AVEN: variants seen among roughly 807,000 people sequenced by gnomAD.
AVEN encodes apoptosis and caspase activation inhibitor.
A neutral mutation model predicts 38.1 loss-of-function variants in AVEN; 41 were observed. The ratio of observed to expected loss-of-function variants is 1.08; its 90% CI spans 0.84 to 1.40. AVEN has a LOEUF of 1.40. AVEN is among the 40% of genes most tolerant of loss of function. AVEN has a pLI of 0.00. For missense variants in AVEN, 605 were observed against 438.8 expected (o/e 1.38, Z -3.38); for synonymous variants, 206 against 171.8 (o/e 1.20, Z -1.56).
chr15:34,002,529 ACTT>A (rs144378883), intron 2 of AVEN, among the ~76,000 whole-genome samples: 76,569 of 151,742 alleles, frequency 0.5, 21,706 homozygotes, highest in Non-Finnish European at 0.63. Context: ...TGGGTTTTTC[ACTT>A]TATTGACAGA....
intron 2 of AVEN, among the ~76,000 whole-genome samples, chr15:33,987,143 C>A (rs1216928032): frequency 6.6e-6 from 1 of 152,120 alleles, no homozygotes; most frequent in East Asian, 1.9e-4. Context: ...AATTCTGAGA[C>A]CAGTGCAGTA....
intron 1 of AVEN, among the ~76,000 whole-genome samples, chr15:34,011,702 C>A (rs144405713): frequency 6.6e-6 from 1 of 152,164 alleles, no homozygotes; most frequent in Admixed American, 6.5e-5. Flanking sequence ...ATCTCACAGG[C>A]CTCTCATTCC....
intron 2 of AVEN, among the ~76,000 whole-genome samples, chr15:33,955,916 A>G (rs1037023570): frequency 6.6e-6 from 1 of 152,236 alleles, no homozygotes; most frequent in East Asian, 1.9e-4. Flanking sequence ...ATCTTCATAT[A>G]TATTCTCCAA....
At chr15:34,027,938 T>A (rs1159866450) in intron 1 of AVEN, among the ~76,000 whole-genome samples, 13 of 151,958 alleles carry the variant, frequency 8.6e-5, no homozygotes. Context: ...GATATACACA[T>A]GTCCAAGGCT....
intron 2 of AVEN, among the ~76,000 whole-genome samples, chr15:33,937,544 AT>A (rs1894136304): frequency 6.8e-6 from 1 of 146,440 alleles, no homozygotes; most frequent in South Asian, 2.2e-4. Flanking sequence ...AAAAAAAAAA[AT>A]AAATCCTTCT....
At chr15:33,952,849 G>A (rs1894803993) in intron 2 of AVEN, among the ~76,000 whole-genome samples, 1 of 148,442 alleles carries the variant, frequency 6.7e-6, no homozygotes, top group East Asian at 1.9e-4. Context: ...GTCCATAAGA[G>A]GCTAAAGAGA....
At chr15:33,949,157 G>A (rs1370791884) in intron 2 of AVEN, among the ~76,000 whole-genome samples, 1 of 152,074 alleles carries the variant, frequency 6.6e-6, no homozygotes. Context: ...CCGAGTAGCT[G>A]GGACTACAGG....
intron 2 of AVEN, among the ~76,000 whole-genome samples, chr15:33,973,312 T>A (rs920564096): frequency 6.6e-6 from 1 of 152,188 alleles, no homozygotes; most frequent in African/African-American, 2.4e-5. Flanking sequence ...TTATAGAATT[T>A]TTTGGTACAG....
chr15:34,050,546 C>A (rs2140825455), intron 5 of AVEN, among the ~76,000 whole-genome samples: 1 of 152,234 alleles, frequency 6.6e-6, no homozygotes, highest in Middle Eastern at 3.4e-3. Context: ...AATTAAAAGA[C>A]ACAGAATGAC....
At chr15:33,871,836 C>T (rs1009056942) in intron 3 of AVEN, among the ~76,000 whole-genome samples, 1 of 150,650 alleles carries the variant, frequency 6.6e-6, no homozygotes, top group Non-Finnish European at 1.5e-5. Context: ...CAGTTTGCCC[C>T]ATAAAGGGCT....
chr15:33,854,850 A>G, downstream of AVEN: 2 of 1,613,916 alleles, frequency 1.2e-6, no homozygotes, highest in South Asian at 1.1e-5. Flanking sequence ...CCTATTGGAC[A>G]TCGCAATGGG....
chr15:34,013,880 C>T (rs766804657), intron 1 of AVEN, among the ~76,000 whole-genome samples: 16 of 152,100 alleles, frequency 1.1e-4, no homozygotes, highest in Non-Finnish European at 1.8e-4. Flanking sequence ...TGTAGACTCA[C>T]GGCCTGAGAT....
intron 2 of AVEN, among the ~76,000 whole-genome samples, chr15:33,992,280 C>G (rs867192788): frequency 7.6e-4 from 116 of 152,266 alleles, no homozygotes; most frequent in African/African-American, 2.7e-3. Context: ...GTCCCAGCTA[C>G]TCGGGAGGCT....
chr15:33,919,085 C>A (rs1893287849), intron 2 of AVEN, among the ~76,000 whole-genome samples: 2 of 151,896 alleles, frequency 1.3e-5, no homozygotes, highest in African/African-American at 4.8e-5. Context: ...TCACGCCCGG[C>A]TAATTTTTTG....
rs15510 is a variant in AVEN, at chr15:33,866,606, C to T, written c.*7G>A. The T allele has an allele frequency of 2.5e-6, 4 of 1,608,874 alleles. No homozygotes were observed. The highest frequency in any genetic ancestry group is 2.5e-6 in the Non-Finnish European group (3 of 1,176,674). The stretch of plus-strand genomic sequence containing the variant: ...AAGATTTGCTTCAGGCACTTTTTTT[C>T]CCCTTTTTAGGAAATCATGCTGTCC... On this transcript the variant is annotated 3_prime_UTR_variant, in exon 6 of 6. Transcript: ENST00000306730.
At chr15:34,071,603 G>A (rs78410922) in intron 1 of AVEN, among the ~76,000 whole-genome samples, 3,284 of 152,180 alleles carry the variant, frequency 0.022, 40 homozygotes, top group Non-Finnish European at 0.033. Context: ...AGTTCCATGT[G>A]TATCCAAAGA....
At chr15:33,863,464 ACTT>A (rs1239406214), downstream of AVEN, among the ~76,000 whole-genome samples, 4 of 152,162 alleles carry the variant, frequency 2.6e-5, no homozygotes, top group East Asian at 7.7e-4. Context: ...CATATCACCA[ACTT>A]CACAATCCTT....
chr15:33,855,409 G>C (rs902800267), downstream of AVEN, among the ~76,000 whole-genome samples: 3 of 152,180 alleles, frequency 2.0e-5, no homozygotes, highest in Non-Finnish European at 2.9e-5. Context: ...TCACCATGTT[G>C]GCCAGGCTGG....
chr15:34,063,624 T>C lies in AVEN; in HGVS notation n.1127-192A>G, dbSNP rs777064271. 3 of 1,614,034 alleles carry C rather than the reference T, an allele frequency of 1.9e-6. No homozygotes were observed. The South Asian group carries it at 3.3e-5, about 18-fold the overall frequency. On this transcript the variant is annotated intron_variant and non_coding_transcript_variant, in intron 4 of 11. Transcript: ENST00000675287. This position sits in a 1 kb window ranked among gnomAD's most constrained non-coding sequence, Gnocchi z 4.1. Reference sequence around the variant, plus strand: ...GGCCAAAGCTGAGCAGCTCACCACCTGTAGCAGCTACCCTTCCTCAGAGGA... The same window carrying C: ...GGCCAAAGCTGAGCAGCTCACCACCCGTAGCAGCTACCCTTCCTCAGAGGA...
Sources: gnomAD v4.1 joint callset for allele counts (sites outside exome capture counted in the v4.1 genomes callset) on GRCh38, gnomAD v4.1.1 for gene constraint, Gnocchi (gnomAD v3.1) non-coding constraint, MANE v1.5 for transcripts, NCBI Gene and HGNC (gene_info 2026-07-23, HGNC 2026-07-21) for gene names.